KRABD5: variants seen among roughly 807,000 people sequenced by gnomAD.
KRABD5 encodes the protein KRAB domain-containing protein 5.
the KRABD5 span, chr16:31,758,846 A>AT: frequency 6.6e-6 from 1 of 152,108 alleles, no homozygotes; most frequent in Non-Finnish European, 1.5e-5. Flanking sequence ...TATTAATACA[A>AT]TTTTTTCTTA....
chr16:31,759,398 CTGCT>C, the KRABD5 span: 1 of 1,538,222 alleles, frequency 6.5e-7, no homozygotes, highest in Non-Finnish European at 8.8e-7. Context: ...AAGATAATCT[CTGCT>C]TGAGAAAAAG....
At chr16:31,734,863 C>T in the KRABD5 span, among the ~76,000 whole-genome samples, 2 of 151,946 alleles carry the variant, frequency 1.3e-5, no homozygotes, top group Non-Finnish European at 2.9e-5. Flanking sequence ...TCTCCTGCCT[C>T]AGCCTCCTGA....
At chr16:31,755,536 TGGAA>T in the KRABD5 span, 2 of 461,880 alleles carry the variant, frequency 4.3e-6, no homozygotes, top group Non-Finnish European at 8.8e-6. Flanking sequence ...TAACTCATAC[TGGAA>T]TGAAACCATA....
chr16:31,753,935 A>G, the KRABD5 span: 89 of 1,550,814 alleles, frequency 5.7e-5, no homozygotes, highest in Non-Finnish European at 7.2e-5. Context: ...ATTATGATGG[A>G]CATACAAAAT....
the KRABD5 span, among the ~76,000 whole-genome samples, chr16:31,739,262 T>G: frequency 6.6e-6 from 1 of 152,190 alleles, no homozygotes; most frequent in African/African-American, 2.4e-5. Flanking sequence ...TTCATTCAGC[T>G]TTTGTGGATT....
the KRABD5 span, chr16:31,755,101 T>C: frequency 2.9e-5 from 14 of 489,716 alleles, no homozygotes; most frequent in Non-Finnish European, 4.2e-5. Flanking sequence ...TTACTCAGCA[T>C]GAGAGAATTC....
chr16:31,730,611 A>G, the KRABD5 span, among the ~76,000 whole-genome samples: 1 of 151,996 alleles, frequency 6.6e-6, no homozygotes, highest in Admixed American at 6.5e-5. Flanking sequence ...AGATTTGGGG[A>G]GTTTTAAGAC....
chr16:31,748,061 C>T, the KRABD5 span, among the ~76,000 whole-genome samples: 5 of 152,110 alleles, frequency 3.3e-5, no homozygotes, highest in South Asian at 2.1e-4. Flanking sequence ...ATGAAGTCCT[C>T]GCCCATGCCT....
At chr16:31,746,278 C>T in the KRABD5 span, among the ~76,000 whole-genome samples, 1 of 152,004 alleles carries the variant, frequency 6.6e-6, no homozygotes, top group African/African-American at 2.4e-5. Context: ...ATTTTTAGTA[C>T]TTCTTTCAGT....
the KRABD5 span, among the ~76,000 whole-genome samples, chr16:31,740,741 T>C: frequency 1.5e-4 from 23 of 152,186 alleles, no homozygotes; most frequent in African/African-American, 5.5e-4. Context: ...CTAGGCTACA[T>C]TGAGCTATGA....
At chr16:31,753,877 TAAGGA>T in the KRABD5 span, 2 of 1,551,276 alleles carry the variant, frequency 1.3e-6, no homozygotes, top group Non-Finnish European at 8.7e-7. Context: ...AATTTAAACT[TAAGGA>T]AAGAGTGGGA....
At chr16:31,714,453 G>A in the KRABD5 span, 5 of 455,804 alleles carry the variant, frequency 1.1e-5, no homozygotes, top group African/African-American at 2.0e-5. Context: ...GGCGTGCAGT[G>A]CCAGGAGAGT....
the KRABD5 span, among the ~76,000 whole-genome samples, chr16:31,746,714 A>G: frequency 6.6e-6 from 1 of 152,294 alleles, no homozygotes. Context: ...TATGTTTTCC[A>G]GCTTGTTTCC....
chr16:31,750,332 A>G, the KRABD5 span, among the ~76,000 whole-genome samples: 20,274 of 151,904 alleles, frequency 0.13, 1,786 homozygotes, highest in South Asian at 0.32. Context: ...TTGATTTGGC[A>G]CTCAGCTTGC....
the KRABD5 span, among the ~76,000 whole-genome samples, chr16:31,753,376 G>A: frequency 6.6e-6 from 1 of 152,150 alleles, no homozygotes; most frequent in Non-Finnish European, 1.5e-5. Context: ...ATTAAAGGAA[G>A]CAATGGCCAG....
chr16:31,741,804 CA>C, the KRABD5 span, among the ~76,000 whole-genome samples: 9 of 152,174 alleles, frequency 5.9e-5, no homozygotes, highest in Non-Finnish European at 1.2e-4. Flanking sequence ...AATTAGGTCC[CA>C]TTTGTCAATT....
chr16:31,727,724 C>G, the KRABD5 span, among the ~76,000 whole-genome samples: 1 of 152,010 alleles, frequency 6.6e-6, no homozygotes, highest in African/African-American at 2.4e-5. Context: ...GTGATTTAAT[C>G]TTGGTGAGTC....
At chr16:31,734,329 T>C in the KRABD5 span, among the ~76,000 whole-genome samples, 1 of 151,602 alleles carries the variant, frequency 6.6e-6, no homozygotes, top group Non-Finnish European at 1.5e-5. Context: ...TAGTTCACCA[T>C]AGCTTCAAAC....
chr16:31,743,771 A>G, the KRABD5 span, among the ~76,000 whole-genome samples: 1 of 152,018 alleles, frequency 6.6e-6, no homozygotes, highest in Non-Finnish European at 1.5e-5. Flanking sequence ...ATATTTTTCC[A>G]TTTGCTTGTG....
Sources: gnomAD v4.1 joint callset for allele counts (sites outside exome capture counted in the v4.1 genomes callset) on GRCh38, gnomAD v4.1.1 for gene constraint, MANE v1.5 for transcripts, NCBI Gene and HGNC (gene_info 2026-07-23, HGNC 2026-07-21) for gene names.